Variants in GPM6A observed in about 807,000 individuals in gnomAD.
GPM6A encodes the protein glycoprotein M6A, also known as neuronal membrane glycoprotein M6-a.
GPM6A carries 7 observed loss-of-function variants against 32.1 expected under a neutral mutation model. That is an observed-to-expected ratio of 0.22 (90% confidence interval 0.12 to 0.41). The LOEUF (loss-of-function observed/expected upper bound fraction) is 0.41, where lower values mean the gene tolerates loss of function less well. Among genes scored for constraint, GPM6A ranks in the 10% least tolerant of loss-of-function variants. The probability of loss-of-function intolerance (pLI) is 1.00; values close to 1 mark genes in which losing one functional copy is unlikely to be tolerated. For missense variants in GPM6A, 235 were observed against 347.2 expected (o/e 0.68, Z 2.57); for synonymous variants, 130 against 123.4 (o/e 1.05, Z -0.35).
intron 1 of GPM6A, among the ~76,000 whole-genome samples, chr4:175,999,489 G>A (rs892712141): frequency 2.0e-5 from 3 of 151,826 alleles, no homozygotes; most frequent in Non-Finnish European, 4.4e-5. Flanking sequence ...AAAAGGAAGA[G>A]ATGCCAAAAT....
At chr4:175,941,579 T>C (rs1196797480) in intron 1 of GPM6A, among the ~76,000 whole-genome samples, 1 of 152,144 alleles carries the variant, frequency 6.6e-6, no homozygotes, top group African/African-American at 2.4e-5. Flanking sequence ...TGTGTGATGT[T>C]CCCCTCTCTG....
intron 2 of GPM6A, among the ~76,000 whole-genome samples, chr4:175,691,464 ACT>A (rs1744294357): frequency 6.6e-6 from 1 of 152,230 alleles, no homozygotes; most frequent in Non-Finnish European, 1.5e-5. Flanking sequence ...CAGATTATTC[ACT>A]GTTTATACTA....
intron 1 of GPM6A, among the ~76,000 whole-genome samples, chr4:175,711,455 T>C (rs199641196): frequency 0.13 from 3,884 of 30,660 alleles, 160 homozygotes; most frequent in Middle Eastern, 0.22. Context: ...TATATATATA[T>C]ATACACACAC....
intron 1 of GPM6A, among the ~76,000 whole-genome samples, chr4:175,724,283 G>C (rs574911594): frequency 6.6e-6 from 1 of 152,300 alleles, no homozygotes; most frequent in South Asian, 2.1e-4. Context: ...GGTGGCTCAC[G>C]CCTATAATCC....
intron 1 of GPM6A, among the ~76,000 whole-genome samples, chr4:175,752,559 T>C (rs1409239682): frequency 6.6e-6 from 1 of 152,146 alleles, no homozygotes; most frequent in Non-Finnish European, 1.5e-5. Flanking sequence ...AAGGAAGAAT[T>C]ATGCCAAAGA....
At chr4:175,800,563 C>A (rs1325132313) in intron 1 of GPM6A, among the ~76,000 whole-genome samples, 3 of 152,120 alleles carry the variant, frequency 2.0e-5, no homozygotes, top group South Asian at 2.1e-4. Flanking sequence ...AAATTATATA[C>A]CTACATAATA....
chr4:175,940,492 G>C (rs1216829004), intron 1 of GPM6A, among the ~76,000 whole-genome samples: 1 of 151,972 alleles, frequency 6.6e-6, no homozygotes, highest in Non-Finnish European at 1.5e-5. Flanking sequence ...TACTCTAAAA[G>C]TTCTATTGTT....
intron 4 of GPM6A, among the ~76,000 whole-genome samples, chr4:175,648,436 T>C (rs965345569): frequency 1.3e-5 from 2 of 152,200 alleles, no homozygotes; most frequent in African/African-American, 2.4e-5. Flanking sequence ...ACTGCCATCA[T>C]GATCAAGTAA....
At position 175,829,734 on chromosome 4, in the gene GPM6A, TAA is replaced by T. The variant is rs1460687874; in HGVS notation, c.-22-17487_-22-17486del. 2.7e-5 allele frequency among the ~76,000 whole-genome samples: 4 copies of T among 147,682 alleles called. No homozygotes were observed. In the East Asian group the frequency reaches 7.8e-4, roughly 29 times the overall value. ...TATATATGTATATATAGGAAATATA[TAA>T]GATATATATATAGATATATATATCT... On this transcript the variant is annotated intron_variant, in intron 1 of 7. Transcript: ENST00000280187.
intron 1 of GPM6A, among the ~76,000 whole-genome samples, chr4:175,862,559 G>A (rs1006687631): frequency 3.9e-5 from 6 of 151,992 alleles, no homozygotes; most frequent in Non-Finnish European, 8.8e-5. Context: ...ATACTTTCTG[G>A]TATTGACTAT....
intron 1 of GPM6A, among the ~76,000 whole-genome samples, chr4:175,755,329 C>A (rs1732487348): frequency 6.6e-6 from 1 of 152,020 alleles, no homozygotes. Flanking sequence ...CTTCTATTTT[C>A]TTCTCTGTAA....
At chr4:175,802,304 A>C (rs545566337) in intron 1 of GPM6A, among the ~76,000 whole-genome samples, 1 of 152,218 alleles carries the variant, frequency 6.6e-6, no homozygotes, top group African/African-American at 2.4e-5. Flanking sequence ...CTCAAAACAC[A>C]AATTAGTGAT....
At chr4:175,744,278 A>G (rs931577671) in intron 1 of GPM6A, among the ~76,000 whole-genome samples, 5 of 152,120 alleles carry the variant, frequency 3.3e-5, no homozygotes, top group African/African-American at 1.2e-4. Flanking sequence ...AAAAGAAATC[A>G]AAAAGAAAAT....
At chr4:175,680,812 T>A (rs1443433703) in intron 2 of GPM6A, among the ~76,000 whole-genome samples, 1 of 152,228 alleles carries the variant, frequency 6.6e-6, no homozygotes, top group African/African-American at 2.4e-5. Flanking sequence ...TATTTTCCCT[T>A]CTTTTTACAT....
intron 1 of GPM6A, among the ~76,000 whole-genome samples, chr4:175,858,093 A>G (rs1249963539): frequency 1.3e-5 from 2 of 152,212 alleles, no homozygotes; most frequent in East Asian, 3.8e-4. Context: ...AGGCTATGTA[A>G]ATAGGTCGGC....
intron 1 of GPM6A, among the ~76,000 whole-genome samples, chr4:175,846,472 G>A (rs918729847): frequency 3.9e-5 from 6 of 152,052 alleles, no homozygotes; most frequent in Middle Eastern, 3.4e-3. Context: ...TTTGTAACCC[G>A]AAGCCAATAT....
chr4:175,925,850 C>CTTTTTTTTTTTTTTTTTTTTTT (rs60669466), intron 1 of GPM6A, among the ~76,000 whole-genome samples: 3 of 135,120 alleles, frequency 2.2e-5, no homozygotes, highest in Non-Finnish European at 3.2e-5. Context: ...CTTTTCTTTT[C>CTTTTTTTTTTTTTTTTTTTTTT]TTTTTTTTTT....
upstream of GPM6A, among the ~76,000 whole-genome samples, chr4:175,816,526 G>C (rs771985514): frequency 3.9e-5 from 6 of 152,176 alleles, no homozygotes; most frequent in Non-Finnish European, 7.3e-5. Flanking sequence ...AGAGTTAACA[G>C]ATTAAAGAAG....
intron 1 of GPM6A, among the ~76,000 whole-genome samples, chr4:175,743,117 A>T (rs1020568078): frequency 6.6e-6 from 1 of 152,074 alleles, no homozygotes; most frequent in African/African-American, 2.4e-5. Context: ...ATAATGCCAG[A>T]AAGAAGGACA....
Sources: allele counts gnomAD v4.1 joint callset (sites outside exome capture counted in the v4.1 genomes callset), GRCh38; gene constraint gnomAD v4.1.1; transcripts MANE v1.5; gene names NCBI Gene and HGNC (gene_info 2026-07-23, HGNC 2026-07-21).